The following PCSK1 variants were observed in gnomAD, a reference collection of about 807,000 sequenced individuals.
The protein encoded by PCSK1 is proprotein convertase subtilisin/kexin type 1, also known as neuroendocrine convertase 1.
A neutral mutation model predicts 90.6 loss-of-function variants in PCSK1; 56 were observed. The observed-to-expected ratio is 0.62, with a 90% confidence interval of 0.50 to 0.77. The LOEUF is 0.77. Among genes scored for constraint, PCSK1 ranks in the 30% least tolerant of loss-of-function variants. The pLI, the probability that PCSK1 is intolerant of heterozygous loss-of-function variation, is 0.00. For missense variants in PCSK1, 801 were observed against 932.6 expected (o/e 0.86, Z 1.84); for synonymous variants, 348 against 342.4 (o/e 1.02, Z -0.18).
intron 6 of PCSK1, among the ~76,000 whole-genome samples, chr5:96,412,762 T>TTTTG (rs1554058752): frequency 4.8e-5 from 7 of 144,360 alleles, no homozygotes; most frequent in African/African-American, 1.7e-4. Flanking sequence ...GTTTTTTTTT[T>TTTTG]TTTTTTTTTT....
chr5:96,425,044 G>A (rs544301984), intron 3 of PCSK1, among the ~76,000 whole-genome samples: 50 of 127,164 alleles, frequency 3.9e-4, no homozygotes, highest in South Asian at 2.9e-3. Context: ...AAGAAAGAAA[G>A]AAAGAAAGAA....
At chr5:96,427,251 G>A (rs116732494) in intron 2 of PCSK1, among the ~76,000 whole-genome samples, 3,825 of 152,232 alleles carry the variant, frequency 0.025, 150 homozygotes, top group African/African-American at 0.086. Flanking sequence ...GCACTCTGCC[G>A]TCTGATCAGA....
At chr5:96,408,688 C>A (rs1046966669) in intron 8 of PCSK1, among the ~76,000 whole-genome samples, 1 of 152,212 alleles carries the variant, frequency 6.6e-6, no homozygotes, top group South Asian at 2.1e-4. Flanking sequence ...TGTGTTTGGT[C>A]TGGCATATTT....
intron 1 of PCSK1, chr5:96,432,220 G>C: frequency 9.1e-7 from 1 of 1,095,202 alleles, no homozygotes; most frequent in Admixed American, 2.1e-5. Flanking sequence ...GCTCCCTAGA[G>C]AGTCGCGGGG....
In PCSK1 at chr5:96,421,951, T is replaced by A; in HGVS notation, c.549A>T (p.Pro183=). 6.7e-7 allele frequency: 1 copy of A among 1,496,642 alleles called. No homozygotes were observed. The highest frequency in any genetic ancestry group is 9.2e-7 in the Non-Finnish European group (1 of 1,083,458). 92.7% of individuals were successfully genotyped at this position (1,496,642 alleles called of 1,614,324 possible). ...TATCATTAAAATCATAGCTAGCCTC[T>A]GGATCCTAAAGAGACAACAAAATAT... is the stretch of plus-strand genomic sequence containing the variant. ...NHTDIYANYD[P]EASYDFNDND... is the part of the protein sequence containing the mutation. The change falls in exon 5 of 14, where the codon CCA becomes CCT. Residue 183 remains proline (P), a synonymous_variant. Transcript: ENST00000311106.
Position 96,397,451 on chromosome 5 carries a change from A to G in PCSK1, c.1607T>C (p.Leu536Ser). 6.2e-7 allele frequency: 1 copy of G among 1,613,412 alleles called. No individual in the cohort carries two copies. The highest frequency in any genetic ancestry group is 8.5e-7 in the Non-Finnish European group (1 of 1,179,330). The change falls in exon 12 of 14, where the codon TTG becomes TCG. Residue 536 changes from leucine to serine, a missense_variant. Transcript: ENST00000311106. ...TSAAGTSTVL[L>S]AERERDTSPN... Reference sequence around the variant, plus strand: ...AGATGTATCCCGTTCTCTTTCAGCCAAGAGCACAGTGCTAGTTCCTATGAA... The same window carrying G: ...AGATGTATCCCGTTCTCTTTCAGCCGAGAGCACAGTGCTAGTTCCTATGAA...
rs1005676075 is a variant in PCSK1, at chr5:96,422,060, T to C, written c.544-104A>G. 46 of 728,260 alleles carry C rather than the reference T, an allele frequency of 6.3e-5. 1 individual carries two copies. The highest frequency in any genetic ancestry group is 2.5e-4 in the South Asian group (16 of 65,146). The allele number at this position is 728,260 out of a possible 1,614,324, so 45.1% of individuals were successfully genotyped here. A position where few individuals can be genotyped will look rare whatever the true frequency, so the allele number is the denominator to read the frequency against. Reference sequence around the variant, plus strand: ...CCTCTTACCCTATGCCTTCCCATCCTGGCTGATAGCTCAAAAGCCTGCATT... The same window carrying C: ...CCTCTTACCCTATGCCTTCCCATCCCGGCTGATAGCTCAAAAGCCTGCATT... On this transcript the variant is annotated intron_variant, in intron 4 of 13. Transcript: ENST00000311106.
intron 7 of PCSK1, among the ~76,000 whole-genome samples, chr5:96,411,230 T>C (rs1760744281): frequency 6.6e-6 from 1 of 152,244 alleles, no homozygotes; most frequent in East Asian, 1.9e-4. Context: ...CACACGCTTT[T>C]CTTTCTTATG....
chr5:96,397,372 G>T lies in PCSK1; in HGVS notation c.1686C>A (p.Asn562Lys). ...DFMSVHTWGENPIGTWTLRIT... is the reference protein window; with the variant it reads ...DFMSVHTWGEKPIGTWTLRIT... ...TTCTCAAAGTCCAAGTACCTATAGG[G>T]TTCTCTCCCCATGTGTGAACAGACA... Residue 562 changes from asparagine (N) to lysine (K), a missense_variant, in exon 12 of 14, where the codon AAC becomes AAA. Asn to Lys is a moderately conservative substitution (Grantham distance 94). Coordinates refer to ENST00000311106, the MANE Select transcript of PCSK1 (RefSeq NM_000439.5). 6.2e-7 allele frequency: 1 copy of T among 1,612,330 alleles called. No homozygotes were observed. The highest frequency in any genetic ancestry group is 8.5e-7 in the Non-Finnish European group (1 of 1,178,448).
chr5:96,431,994 C>T, intron 1 of PCSK1: 1 of 889,446 alleles, frequency 1.1e-6, no homozygotes, highest in Non-Finnish European at 1.8e-6. Flanking sequence ...GTCTTGACGC[C>T]CACCCACCTC....
chr5:96,411,045 T>C (rs1760738037), intron 7 of PCSK1, 59 bp from the exon 8 acceptor site: 1 of 1,213,654 alleles, frequency 8.2e-7, no homozygotes, highest in Non-Finnish European at 1.2e-6. Flanking sequence ...CATTGTTATA[T>C]CCCAATAAAA....
intron 10 of PCSK1, 57 bp from the exon 11 acceptor site, chr5:96,399,093 T>A: frequency 7.9e-7 from 1 of 1,268,082 alleles, no homozygotes. Flanking sequence ...CCTTGCATTT[T>A]ATGCATATCT....
chr5:96,423,884 A>C (rs116644648), intron 3 of PCSK1, among the ~76,000 whole-genome samples: 1 of 152,166 alleles, frequency 6.6e-6, no homozygotes, highest in Admixed American at 6.5e-5. Context: ...GTGCATAGTC[A>C]TTCATGAATG....
intron 5 of PCSK1, among the ~76,000 whole-genome samples, chr5:96,420,383 TGCTGTAA>T (rs1761085250): frequency 2.0e-5 from 3 of 152,240 alleles, no homozygotes; most frequent in Admixed American, 6.5e-5. Flanking sequence ...TCTGAGGGTC[TGCTGTAA>T]GCTCTCGAAA....
At chr5:96,419,561 A>G (rs78377072) in intron 5 of PCSK1, among the ~76,000 whole-genome samples, 1,546 of 151,438 alleles carry the variant, frequency 0.01, 26 homozygotes, top group African/African-American at 0.035. Context: ...AGATCACCCA[A>G]CTACTAAGTG....
chr5:96,405,784 T>C (rs924603061), intron 9 of PCSK1, among the ~76,000 whole-genome samples: 3 of 152,224 alleles, frequency 2.0e-5, no homozygotes, highest in African/African-American at 7.2e-5. Context: ...CAATTTCAGC[T>C]CTTACATAAA....
rs1260305716 is a variant in PCSK1, at chr5:96,423,436, G to A, written c.420C>T (p.Ala140=). ...TCACATGAAGGTCCAGCTTGGGCAG[G>A]GCTGCCGTCATCCTGGTATCTTGCT... ...WYLQDTRMTA[A]LPKLDLHVIP... The change falls in exon 4 of 14, where the codon GCC becomes GCT. Residue 140 remains alanine, a synonymous_variant. Transcript: ENST00000311106. 4 of 1,614,082 alleles carry A rather than the reference G, an allele frequency of 2.5e-6. No homozygotes were observed. In the East Asian group the frequency reaches 6.7e-5, roughly 27 times the overall value.
chr5:96,419,558 C>T (rs1416288510), intron 5 of PCSK1, among the ~76,000 whole-genome samples: 2 of 150,936 alleles, frequency 1.3e-5, no homozygotes, highest in South Asian at 2.1e-4. Context: ...TCAAGATCAC[C>T]CAACTACTAA....
chr5:96,428,074 T>C (rs78629885), intron 2 of PCSK1, among the ~76,000 whole-genome samples: 3,749 of 152,294 alleles, frequency 0.025, 152 homozygotes, highest in African/African-American at 0.086. Context: ...TTGTTGTTTC[T>C]TTTACATTCG....
Sources: gnomAD v4.1 joint callset for allele counts (sites outside exome capture counted in the v4.1 genomes callset) on GRCh38, gnomAD v4.1.1 for gene constraint, MANE v1.5 for transcripts, NCBI Gene and HGNC (gene_info 2026-07-23, HGNC 2026-07-21) for gene names.